The following RHCE variants were observed in gnomAD, a reference collection of about 807,000 sequenced individuals.
The protein encoded by RHCE is Rh blood group CcEe antigens.
RHCE carries 22 observed loss-of-function variants against 43.8 expected under a neutral mutation model. The observed-to-expected ratio is 0.50, with a 90% CI of 0.36 to 0.72. The LOEUF (loss-of-function observed/expected upper bound fraction) is 0.72. RHCE is among the 30% of genes least tolerant of loss of function. RHCE has a pLI of 0.00. For synonymous variants in RHCE, 156 were observed against 210.7 expected, an observed-to-expected ratio of 0.74 and a Z score of 2.25; for missense variants, 385 against 525.4, an observed-to-expected ratio of 0.73 and a Z score of 2.61.
chr1:25,394,290 A>AT (rs947332619), intron 3 of RHCE, among the ~76,000 whole-genome samples: 76 of 146,432 alleles, frequency 5.2e-4, no homozygotes, highest in South Asian at 1.1e-3. Context: ...CACCCAGCCT[A>AT]TTTTTTTTTT....
At position 25,388,924 on chromosome 1, in the gene RHCE, G is replaced by A. The variant is rs149852940; in HGVS notation, c.939+52C>T. 1,934 of 1,614,032 alleles carry A rather than the reference G, an allele frequency of 1.2e-3. 22 individuals carry two copies. The African/African-American group carries it at 0.022, about 18-fold the overall frequency. On this transcript the variant is annotated intron_variant, in intron 6 of 9. Coordinates refer to ENST00000294413, the MANE Select transcript of RHCE (RefSeq NM_020485.8). The stretch of plus-strand genomic sequence containing the variant: ...GCACAGTGGCCCATCAGGTCCCAGC[G>A]TCCTGCTGGCCTTCAGCCAAAGCAG...
At chr1:25,383,914 T>G (rs1437545393) in intron 7 of RHCE, among the ~76,000 whole-genome samples, 1 of 152,220 alleles carries the variant, frequency 6.6e-6, no homozygotes, top group African/African-American at 2.4e-5. Context: ...CAAGGCTTTA[T>G]TTTCATGGAA....
At chr1:25,419,153 C>A (rs2042689661) in intron 1 of RHCE, among the ~76,000 whole-genome samples, 1 of 152,170 alleles carries the variant, frequency 6.6e-6, no homozygotes, top group African/African-American at 2.4e-5. Context: ...ATAGTACCCA[C>A]CTCATTGGGT....
intron 7 of RHCE, among the ~76,000 whole-genome samples, chr1:25,379,495 ATTTTT>A (rs770791604): frequency 0.015 from 407 of 26,968 alleles, 3 homozygotes; most frequent in African/African-American, 0.065. Flanking sequence ...ATATATATAT[ATTTTT>A]TTTTTTTTTT....
rs200598291 is a variant in RHCE, at chr1:25,408,791, C to T, written c.227G>A (p.Ser76Asn). ...TSNFRRHSWS[S>N]VAFNLFMLAL... ...CAGCATGAAGAGGTTGAAGGCCACA[C>T]TGCTCCAGCTGTGTCTCCGGAAATT... The change falls in exon 2 of 10, where the codon AGT becomes AAT. Residue 76 changes from serine (S) to asparagine (N), a missense_variant. Transcript: ENST00000294413. 44 of 1,282,946 alleles carry T rather than the reference C, an allele frequency of 3.4e-5. 15 individuals are homozygous for T. The highest frequency in any genetic ancestry group is 4.4e-5 in the Non-Finnish European group (42 of 962,912). 79.5% of individuals were successfully genotyped at this position (1,282,946 alleles called of 1,614,324 possible).
At position 25,411,255 on chromosome 1, in the gene RHCE, T is replaced by C. The variant is rs942713625; in HGVS notation, c.149-2386A>G. On this transcript the variant is annotated intron_variant, in intron 1 of 9. Transcript: ENST00000294413. ...GACATCCGAAGGAAATAATGTTTAGTACAGTGCCTAGCACATGGAGAACAC... is the reference window on the plus strand; with the variant it reads ...GACATCCGAAGGAAATAATGTTTAGCACAGTGCCTAGCACATGGAGAACAC... 29 of 1,512,558 alleles carry C rather than the reference T, an allele frequency of 1.9e-5. No homozygotes were observed. The Middle Eastern group carries it at 5.1e-4, about 27-fold the overall frequency. 93.7% of individuals were successfully genotyped at this position (1,512,558 alleles called of 1,614,324 possible).
chr1:25,371,655 G>C (rs1439672194), intron 8 of RHCE, among the ~76,000 whole-genome samples: 17 of 151,568 alleles, frequency 1.1e-4, no homozygotes, highest in Admixed American at 9.8e-4. Context: ...TTACAGGTGT[G>C]AGCCACTGTG....
chr1:25,376,827 C>T (rs1224614573), intron 7 of RHCE, among the ~76,000 whole-genome samples: 11 of 151,712 alleles, frequency 7.3e-5, no homozygotes, highest in Non-Finnish European at 4.4e-5. Flanking sequence ...GGCAGGAGAA[C>T]GGTGTGAACC....
chr1:25,362,348 G>T lies in RHCE; in HGVS notation c.*179C>A. On this transcript the variant is annotated 3_prime_UTR_variant, in exon 10 of 10. Coordinates refer to ENST00000294413, the MANE Select transcript of RHCE (RefSeq NM_020485.8). Reference sequence around the variant, plus strand: ...ACATTTATTTTAAACTTATTAAATTGACTCTTAAACTAAGTTTTTAGTCTT... The same window carrying T: ...ACATTTATTTTAAACTTATTAAATTTACTCTTAAACTAAGTTTTTAGTCTT... 1 of 1,354,860 alleles carries T rather than the reference G, an allele frequency of 7.4e-7. No homozygotes were observed. Among genetic ancestry groups the T allele is most frequent in the South Asian group, 1.3e-5 (1 of 76,012 alleles). 83.9% of individuals were successfully genotyped at this position (1,354,860 alleles called of 1,614,324 possible). A position where few individuals can be genotyped will look rare whatever the true frequency, so the allele number is the denominator to read the frequency against.
In RHCE at chr1:25,406,461, T is replaced by TGCC. The variant is rs1557634534; in HGVS notation, c.335+2219_335+2221dup. 1.8e-5 allele frequency among the ~76,000 whole-genome samples: 2 copies of TGCC among 112,270 alleles called. 1 individual carries two copies. Among genetic ancestry groups the TGCC allele is most frequent in the African/African-American group, 5.5e-5 (2 of 36,644 alleles). The allele number at this position is 112,270 out of a possible 152,430, so 73.7% of individuals were successfully genotyped here. ...CCAAGTAGCTGGGATTACAGGTGCC[T>TGCC]GCCACAATGCCCAGCTAATTTTTGT... On this transcript the variant is annotated intron_variant, in intron 2 of 9. Coordinates refer to ENST00000294413, the MANE Select transcript of RHCE (RefSeq NM_020485.8).
At chr1:25,402,821 A>ATTCATTCATTCT in intron 2 of RHCE, 75 bp from the exon 3 acceptor site, 1 of 1,593,464 alleles carries the variant, frequency 6.3e-7, no homozygotes, top group South Asian at 1.1e-5. Flanking sequence ...TCATTCATTC[A>ATTCATTCATTCT]TTCAACAAAC....
chr1:25,392,028 C>G lies in RHCE; in HGVS notation c.600G>C (p.Gln200His), dbSNP rs1646383262. 2 of 1,614,058 alleles carry G rather than the reference C, an allele frequency of 1.2e-6. No homozygotes were observed. The highest frequency in any genetic ancestry group is 3.3e-5 in the Admixed American group (2 of 59,990). Residue 200 changes from glutamine to histidine, a missense_variant, in exon 4 of 10, where the codon CAG becomes CAC. Gln to His is a conservative substitution (Grantham distance 24). This residue lies in a region of RHCE where 110 missense variants were observed against 103.4 expected (regional missense o/e 1.06). Transcript: ENST00000294413. ...CAGACAAACTGGGTATCGTTGCTCTCTGATCATTATCCTCCGTTCCCTTGG... is the reference window on the plus strand; with the variant it reads ...CAGACAAACTGGGTATCGTTGCTCTGTGATCATTATCCTCCGTTCCCTTGG... ...PLPKGTEDND[Q>H]RATIPSLSAM...
intron 7 of RHCE, among the ~76,000 whole-genome samples, chr1:25,381,031 A>C (rs1645981184): frequency 6.7e-6 from 1 of 148,968 alleles, no homozygotes; most frequent in East Asian, 2.0e-4. Context: ...CCTCCCATGT[A>C]GCTGGGACTA....
intron 7 of RHCE, among the ~76,000 whole-genome samples, chr1:25,377,408 G>A (rs2124347822): frequency 6.6e-6 from 1 of 152,104 alleles, no homozygotes; most frequent in African/African-American, 2.4e-5. Flanking sequence ...ATGTTGGCCA[G>A]GATGATCTCG....
At chr1:25,383,948 T>C (rs1466246497) in intron 7 of RHCE, among the ~76,000 whole-genome samples, 1 of 152,216 alleles carries the variant, frequency 6.6e-6, no homozygotes, top group Non-Finnish European at 1.5e-5. Flanking sequence ...GTTAATCCTC[T>C]ACCAGCAAAC....
intron 1 of RHCE, among the ~76,000 whole-genome samples, chr1:25,414,129 T>G (rs1647203621): frequency 6.6e-6 from 1 of 151,884 alleles, no homozygotes; most frequent in East Asian, 1.9e-4. Context: ...CGGCCGCTGA[T>G]TAGCGGTGTG....
At chr1:25,393,877 G>C (rs1646458292) in intron 3 of RHCE, among the ~76,000 whole-genome samples, 1 of 152,118 alleles carries the variant, frequency 6.6e-6, no homozygotes, top group South Asian at 2.1e-4. Flanking sequence ...AACAAGGGCA[G>C]GATGGAGGGA....
chr1:25,388,472 C>A (rs890051545), intron 6 of RHCE, among the ~76,000 whole-genome samples: 47 of 140,730 alleles, frequency 3.3e-4, no homozygotes, highest in African/African-American at 1.3e-3. Flanking sequence ...CCACCCCCAG[C>A]TGAAGACAAC....
At chr1:25,369,846 C>A (rs553482948) in intron 9 of RHCE, among the ~76,000 whole-genome samples, 7 of 144,994 alleles carry the variant, frequency 4.8e-5, no homozygotes, top group African/African-American at 1.8e-4. Context: ...TCAAGCGATT[C>A]TCTTGCCTCA....
Sources: allele counts gnomAD v4.1 joint callset (sites outside exome capture counted in the v4.1 genomes callset), GRCh38; gene constraint gnomAD v4.1.1; regional missense constraint gnomAD v4.1.1; transcripts MANE v1.5; gene names NCBI Gene and HGNC (gene_info 2026-07-23, HGNC 2026-07-21).